Variants in NUTM2G observed in about 807,000 individuals in gnomAD.
The protein encoded by NUTM2G is NUT family member 2G.
Under a neutral mutation model 44.3 loss-of-function variants are expected in NUTM2G, and 29 were observed. That is an observed-to-expected ratio of 0.66 (90% CI 0.49 to 0.89). The LOEUF is 0.89. NUTM2G is among the 40% of genes least tolerant of loss of function. NUTM2G has a pLI of 0.00. For synonymous variants in NUTM2G, 205 were observed against 395.9 expected (o/e 0.52, Z 5.72); for missense variants, 502 against 946.5 (o/e 0.53, Z 6.16).
intron 1 of NUTM2G, 124 bp from the exon 2 acceptor site, chr9:96,931,598 A>G: frequency 1.2e-6 from 1 of 804,198 alleles, no homozygotes; most frequent in South Asian, 1.7e-5. Context: ...ACACTCAGGG[A>G]CACTTGCAAG....
At chr9:96,930,026 C>T (rs1247731359) in intron 1 of NUTM2G, among the ~76,000 whole-genome samples, 3 of 152,290 alleles carry the variant, frequency 2.0e-5, no homozygotes, top group Non-Finnish European at 4.4e-5. Context: ...GGTGCATGCG[C>T]TGTATCCCTT....
At chr9:96,934,642 C>G (rs1314605164) in intron 2 of NUTM2G, among the ~76,000 whole-genome samples, 1 of 151,700 alleles carries the variant, frequency 6.6e-6, no homozygotes, top group Non-Finnish European at 1.5e-5. Context: ...GCTCCAGAGT[C>G]CCCAGGAAGC....
chr9:96,942,055 C>A (rs1038329181), downstream of NUTM2G, among the ~76,000 whole-genome samples: 2 of 151,872 alleles, frequency 1.3e-5, no homozygotes, highest in Non-Finnish European at 2.9e-5. Context: ...GGAGCCAGTG[C>A]AGTTGGGGCG....
At position 96,937,966 on chromosome 9, in the gene NUTM2G, G is replaced by C. The variant is rs1296692959; in HGVS notation, c.1405G>C (p.Glu469Gln). 6.2e-7 allele frequency: 1 copy of C among 1,612,036 alleles called. No individual in the cohort carries two copies. The highest frequency in any genetic ancestry group is 8.5e-7 in the Non-Finnish European group (1 of 1,179,852). ...GATGGATTTCTTGGCCCTAAGCCAG[G>C]AGCTGGAGCAGGAGGAAGGACTCAC... ...PQMDFLALSQ[E>Q]LEQEEGLTLA... is the part of the protein sequence containing the mutation. The change falls in exon 6 of 7, where the codon GAG becomes CAG. Residue 469 changes from glutamate (E) to glutamine (Q), a missense_variant. Glu to Gln is a conservative substitution (Grantham distance 29). Transcript: ENST00000372322.
intron 1 of NUTM2G, 39 bp downstream of exon 1, chr9:96,929,079 T>G: frequency 6.2e-7 from 1 of 1,610,872 alleles, no homozygotes; most frequent in Non-Finnish European, 8.5e-7. Flanking sequence ...TAGTCTGCCT[T>G]GCCTCAACTC....
Position 96,936,518 on chromosome 9 carries a change from G to T in NUTM2G, c.936G>T (p.Arg312Ser). 3.2e-6 allele frequency: 5 copies of T among 1,553,042 alleles called. No homozygotes were observed. The highest frequency in any genetic ancestry group is 3.5e-6 in the Non-Finnish European group (4 of 1,157,030). Residue 312 changes from arginine to serine, a missense_variant, in exon 4 of 7, where the codon AGG (arginine) becomes AGT (serine). Transcript: ENST00000372322. ...GCCTGCCTCCTCCAGCCCCGCCGAG[G>T]CTTGAACCTCGAGGACCCCCTGCCC... ...PQSLPPPAPP[R>S]LEPRGPPAPE...
chr9:96,932,625 C>G (rs1375324178), intron 2 of NUTM2G, among the ~76,000 whole-genome samples: 2 of 152,066 alleles, frequency 1.3e-5, no homozygotes, highest in Non-Finnish European at 2.9e-5. Context: ...CTGCCTGTCA[C>G]TGTCCCGTGA....
chr9:96,936,958 A>C (rs1431300622), intron 4 of NUTM2G, 106 bp from the exon 5 acceptor site: 1 of 1,357,784 alleles, frequency 7.4e-7, no homozygotes, highest in Non-Finnish European at 9.9e-7. Context: ...GGTGGTCCTG[A>C]CCCAGCTGGG....
rs768393315 is a variant in NUTM2G, at chr9:96,935,442, C to T, written c.828C>T (p.Tyr276=). ...GCAACTTTGACCGGATGATTTTCTACGAGATGGCGGCAAAGTGAGTCTGGG... is the reference window on the plus strand; with the variant it reads ...GCAACTTTGACCGGATGATTTTCTATGAGATGGCGGCAAAGTGAGTCTGGG... ...HTSNFDRMIF[Y]EMAAKFLEFE... is the part of the protein sequence containing the mutation. The change falls in exon 3 of 7, where the codon TAC becomes TAT. Residue 276 remains tyrosine, a synonymous_variant. Transcript: ENST00000372322. The T allele has an allele frequency of 1.8e-5, 29 of 1,611,926 alleles. No homozygotes were observed. The highest frequency in any genetic ancestry group is 6.7e-5 in the East Asian group (3 of 44,890).
downstream of NUTM2G, chr9:96,940,201 C>A (rs1358155748): frequency 6.7e-6 from 1 of 148,316 alleles, no homozygotes; most frequent in African/African-American, 2.5e-5. Flanking sequence ...GGGGCCCAGG[C>A]CGAGAGGGGC....
At chr9:96,932,978 C>CT (rs573653882) in intron 2 of NUTM2G, among the ~76,000 whole-genome samples, 1,422 of 129,436 alleles carry the variant, frequency 0.011, 25 homozygotes, top group East Asian at 0.038. Flanking sequence ...CTTTTCTTTT[C>CT]TTTTTTTTTT....
chr9:96,932,538 G>A (rs1186253019), intron 2 of NUTM2G, 120 bp downstream of exon 2: 21 of 1,304,932 alleles, frequency 1.6e-5, no homozygotes, highest in Non-Finnish European at 2.2e-5. Flanking sequence ...GTGATGGGTT[G>A]TGCTATGGGA....
In NUTM2G at chr9:96,931,832, C is replaced by T. The variant is rs372662189; in HGVS notation, c.127C>T (p.Leu43Phe). Residue 43 changes from leucine to phenylalanine, a missense_variant, in exon 2 of 7, where the codon CTC becomes TTC. Leu to Phe is a conservative substitution (Grantham distance 22). Transcript: ENST00000372322. ...TCCCGGCCCAACACACAGGCCGCCCCTCGTGACTGCAGTGGTTCCTCCAGC... is the reference window on the plus strand; with the variant it reads ...TCCCGGCCCAACACACAGGCCGCCCTTCGTGACTGCAGTGGTTCCTCCAGC... ...PSPGPTHRPP[L>F]VTAVVPPAGP... 72 of 1,612,264 alleles carry T rather than the reference C, an allele frequency of 4.5e-5. No homozygotes were observed. Among genetic ancestry groups the T allele is most frequent in the Non-Finnish European group, 5.8e-5 (68 of 1,179,872 alleles).
chr9:96,936,184 T>C (rs1188725605), intron 3 of NUTM2G, among the ~76,000 whole-genome samples: 2 of 149,790 alleles, frequency 1.3e-5, no homozygotes, highest in African/African-American at 4.9e-5. Context: ...CTGGACCTCG[T>C]GGCCCTGACT....
At chr9:96,929,130 T>C (rs1588197372) in intron 1 of NUTM2G, 90 bp downstream of exon 1, 1 of 1,569,276 alleles carries the variant, frequency 6.4e-7, no homozygotes, top group Admixed American at 1.7e-5. Flanking sequence ...GGACAGCTTA[T>C]AGGGCTGATG....
chr9:96,931,640 T>C, intron 1 of NUTM2G, 82 bp from the exon 2 acceptor site: 9 of 1,512,048 alleles, frequency 6.0e-6, no homozygotes, highest in Non-Finnish European at 8.1e-6. Flanking sequence ...TGCCCTCAGC[T>C]GTTGGGACTC....
At chr9:96,930,920 A>T (rs1186276073) in intron 1 of NUTM2G, among the ~76,000 whole-genome samples, 1 of 81,338 alleles carries the variant, frequency 1.2e-5, no homozygotes, top group Non-Finnish European at 2.1e-5. Flanking sequence ...TTTGAGACGG[A>T]GTCTCGCTCT....
In NUTM2G at chr9:96,938,114, G is replaced by A. The variant is rs553856448; in HGVS notation, c.1440+113G>A. 9 of 1,194,888 alleles carry A rather than the reference G, an allele frequency of 7.5e-6. 1 individual carries two copies. The African/African-American group carries it at 9.0e-5, about 12-fold the overall frequency. 74.0% of individuals were successfully genotyped at this position (1,194,888 alleles called of 1,614,324 possible). A position where few individuals can be genotyped will look rare whatever the true frequency, so the allele number is the denominator to read the frequency against. On this transcript the variant is annotated intron_variant, in intron 6 of 6. Coordinates refer to ENST00000372322, the MANE Select transcript of NUTM2G (RefSeq NM_001170741.3). ...CTGCTGGGGATGTTCAGCTTCTTGG[G>A]GAGCCACTCCGGGGTGGGAAGATGC... is the stretch of plus-strand genomic sequence containing the variant.
intron 1 of NUTM2G, among the ~76,000 whole-genome samples, chr9:96,930,581 C>T (rs1235826483): frequency 6.7e-6 from 1 of 148,664 alleles, no homozygotes; most frequent in Non-Finnish European, 1.5e-5. Flanking sequence ...GATAGCCCTG[C>T]TGCTCACCAT....
Sources: gnomAD v4.1 joint callset for allele counts (sites outside exome capture counted in the v4.1 genomes callset) on GRCh38, gnomAD v4.1.1 for gene constraint, MANE v1.5 for transcripts, NCBI Gene and HGNC (gene_info 2026-07-23, HGNC 2026-07-21) for gene names.